The following TENM2 variants were observed in gnomAD, a reference collection of about 807,000 sequenced individuals.
TENM2 encodes teneurin transmembrane protein 2.
In TENM2, 52 loss-of-function variants were observed where a neutral mutation model predicts 245.2. The ratio of observed to expected loss-of-function variants is 0.21; its 90% CI spans 0.17 to 0.27. TENM2 has a LOEUF of 0.27. TENM2 is among the 10% of genes least tolerant of loss of function. The pLI is 1.00. For missense variants in TENM2, 3,046 were observed against 3,666.8 expected (o/e 0.83, Z 4.37); for synonymous variants, 1,363 against 1,438.9 (o/e 0.95, Z 1.19).
chr5:167,806,036 C>G (rs1176583465), intron 2 of TENM2, among the ~76,000 whole-genome samples: 1 of 152,064 alleles, frequency 6.6e-6, no homozygotes, highest in Non-Finnish European at 1.5e-5. Flanking sequence ...CCAAATGTAT[C>G]TGAAACTCAG....
chr5:167,660,512 AT>A (rs1755141254), intron 2 of TENM2: 1 of 150,298 alleles, frequency 6.7e-6, no homozygotes, highest in African/African-American at 2.4e-5. Flanking sequence ...CCAAAATTAA[AT>A]GTGGTGGTCA....
At chr5:167,070,129 A>T in the TENM2 span, among the ~76,000 whole-genome samples, 9 of 150,548 alleles carry the variant, frequency 6.0e-5, no homozygotes, top group Admixed American at 2.0e-4. Context: ...TTATTTATTT[A>T]TTTTTTGAGA....
intron 2 of TENM2, among the ~76,000 whole-genome samples, chr5:167,866,563 A>G (rs1489924464): frequency 1.3e-5 from 2 of 152,046 alleles, no homozygotes; most frequent in South Asian, 2.1e-4. Flanking sequence ...GGAGAGAGAT[A>G]TGAGGAGAGA....
the TENM2 span, among the ~76,000 whole-genome samples, chr5:166,994,547 A>G: frequency 6.6e-6 from 1 of 152,026 alleles, no homozygotes; most frequent in Non-Finnish European, 1.5e-5. Flanking sequence ...TTGATGTGCC[A>G]TTTTTCTGAT....
chr5:167,562,957 CAAAAAAAAA>C (rs58779751), intron 2 of TENM2, among the ~76,000 whole-genome samples: 1 of 77,592 alleles, frequency 1.3e-5, no homozygotes, highest in South Asian at 4.3e-4. Flanking sequence ...AATTCTGTCT[CAAAAAAAAA>C]AAAAAAAAAG....
chr5:168,099,069 C>T (rs1003427929), intron 9 of TENM2, among the ~76,000 whole-genome samples: 2 of 152,030 alleles, frequency 1.3e-5, no homozygotes, highest in Non-Finnish European at 2.9e-5. Context: ...GCCACCACAC[C>T]CGGCTAATTT....
At chr5:168,255,344 C>T (rs149883600) in intron 27 of TENM2, among the ~76,000 whole-genome samples, 2,864 of 152,158 alleles carry the variant, frequency 0.019, 85 homozygotes, top group African/African-American at 0.064. Context: ...CTCTGTCACC[C>T]AGGCTGGAGT....
chr5:167,196,534 G>GTA, the TENM2 span, among the ~76,000 whole-genome samples: 3,347 of 146,178 alleles, frequency 0.023, 148 homozygotes, highest in African/African-American at 0.085. Context: ...ATATGTGTGT[G>GTA]TACATATATG....
intron 17 of TENM2, among the ~76,000 whole-genome samples, chr5:168,202,047 C>A (rs751012024): frequency 6.6e-6 from 1 of 152,136 alleles, no homozygotes; most frequent in African/African-American, 2.4e-5. Context: ...CATCAAGAGG[C>A]ACCTAAAGTC....
At chr5:167,791,880 A>G (rs754503514) in intron 2 of TENM2, among the ~76,000 whole-genome samples, 55 of 151,976 alleles carry the variant, frequency 3.6e-4, no homozygotes, top group Non-Finnish European at 5.4e-4. Context: ...AAGGCAGTTG[A>G]CTCTTCAGAT....
the TENM2 span, among the ~76,000 whole-genome samples, chr5:167,252,629 C>G: frequency 1.2e-4 from 19 of 152,218 alleles, no homozygotes; most frequent in African/African-American, 4.3e-4. Context: ...TCGTGGCTCT[C>G]AGGTACACAG....
the TENM2 span, among the ~76,000 whole-genome samples, chr5:167,170,369 A>C: frequency 2.0e-5 from 3 of 152,208 alleles, no homozygotes; most frequent in African/African-American, 7.2e-5. Context: ...CTAGCTAGGT[A>C]TGGTGTATGT....
Position 167,780,099 on chromosome 5 carries a change from C to T in TENM2, c.503-95887C>T, listed in dbSNP as rs1381083747. Among the ~76,000 whole-genome samples the T allele has an allele frequency of 2.0e-5, 3 of 152,266 alleles. No individual in the cohort carries two copies. In the East Asian group the frequency reaches 5.8e-4, roughly 29 times the overall value. ...GACTCTAGGTGGTTTACACACTTGG[C>T]ATTAAGAAGCACTGAATCACACAGC... On this transcript the variant is annotated intron_variant, in intron 2 of 28. Transcript: ENST00000518659.
intron 2 of TENM2, among the ~76,000 whole-genome samples, chr5:167,711,238 A>G (rs1758885465): frequency 6.6e-6 from 1 of 152,234 alleles, no homozygotes; most frequent in African/African-American, 2.4e-5. Context: ...AAATACATAG[A>G]TGAAATTAGC....
intron 9 of TENM2, among the ~76,000 whole-genome samples, chr5:168,112,182 T>C (rs1240427240): frequency 3.9e-5 from 6 of 152,166 alleles, no homozygotes; most frequent in Admixed American, 3.3e-4. Flanking sequence ...TCAAATACTT[T>C]GGTAGTTTTT....
intron 11 of TENM2, among the ~76,000 whole-genome samples, chr5:168,125,950 C>T (rs566263459): frequency 1.2e-4 from 18 of 152,252 alleles, no homozygotes; most frequent in East Asian, 9.7e-4. Flanking sequence ...CCCCACTCCC[C>T]GGCCTGGTCT....
chr5:167,833,414 A>G (rs1009947662), intron 2 of TENM2, among the ~76,000 whole-genome samples: 3 of 152,172 alleles, frequency 2.0e-5, no homozygotes, highest in Non-Finnish European at 2.9e-5. Context: ...AATATCCTCA[A>G]TCTTCCAGAG....
chr5:166,980,359 A>G, the TENM2 span, among the ~76,000 whole-genome samples: 1 of 152,216 alleles, frequency 6.6e-6, no homozygotes, highest in Admixed American at 6.5e-5. Context: ...AGGGTTCTGC[A>G]TACACATGGA....
chr5:168,249,732 G>A (rs1318397122), intron 27 of TENM2, among the ~76,000 whole-genome samples: 1 of 152,094 alleles, frequency 6.6e-6, no homozygotes, highest in Non-Finnish European at 1.5e-5. Flanking sequence ...GGTGGCATAT[G>A]CCTGTGGTCC....
Sources: allele counts gnomAD v4.1 joint callset (sites outside exome capture counted in the v4.1 genomes callset), GRCh38; gene constraint gnomAD v4.1.1; transcripts MANE v1.5; gene names NCBI Gene and HGNC (gene_info 2026-07-23, HGNC 2026-07-21).